Variants in LINGO2 observed in about 807,000 individuals in gnomAD.
The protein encoded by LINGO2 is leucine-rich repeat and immunoglobulin-like domain-containing nogo receptor-interacting protein 2.
LINGO2 carries 14 observed loss-of-function variants against 30.6 expected under a neutral mutation model. The ratio of observed to expected loss-of-function variants is 0.46; its 90% CI spans 0.30 to 0.72. The LOEUF (loss-of-function observed/expected upper bound fraction) is 0.72, where lower values mean the gene tolerates loss of function less well. Ranked by LOEUF, LINGO2 falls within the 30% of genes least tolerant of loss-of-function variation. The pLI, the probability that LINGO2 is intolerant of heterozygous loss-of-function variation, is 0.07. For synonymous variants in LINGO2, 317 were observed against 288.5 expected (o/e 1.10, Z -1.00); for missense variants, 729 against 751.7 (o/e 0.97, Z 0.35).
chr9:28,193,343 T>C (rs1358829305), intron 4 of LINGO2, among the ~76,000 whole-genome samples: 2 of 152,168 alleles, frequency 1.3e-5, no homozygotes, highest in African/African-American at 4.8e-5. Flanking sequence ...TATATCTTGC[T>C]GGTGGCTTTA....
chr9:28,858,455 C>G, the LINGO2 span, among the ~76,000 whole-genome samples: 5 of 152,078 alleles, frequency 3.3e-5, no homozygotes, highest in Non-Finnish European at 1.5e-5. Context: ...ATTATAACCA[C>G]TATATTTTCA....
At chr9:28,591,665 C>G (rs1824920399) in intron 1 of LINGO2, among the ~76,000 whole-genome samples, 1 of 151,944 alleles carries the variant, frequency 6.6e-6, no homozygotes, top group African/African-American at 2.4e-5. Flanking sequence ...CGCGGCACTG[C>G]TAGGTTGAAA....
chr9:28,807,676 T>A, the LINGO2 span, among the ~76,000 whole-genome samples: 1 of 152,172 alleles, frequency 6.6e-6, no homozygotes, highest in African/African-American at 2.4e-5. Context: ...CATGTAAGCT[T>A]TTAGATAATT....
intron 5 of LINGO2, among the ~76,000 whole-genome samples, chr9:27,960,476 C>G (rs966406099): frequency 2.1e-4 from 32 of 152,284 alleles, no homozygotes; most frequent in African/African-American, 7.7e-4. Context: ...AGCAAGTACC[C>G]TTTGCCTGGT....
At chr9:29,067,015 T>C in the LINGO2 span, among the ~76,000 whole-genome samples, 2 of 151,834 alleles carry the variant, frequency 1.3e-5, no homozygotes, top group Non-Finnish European at 2.9e-5. Context: ...GTAACTATAT[T>C]CTAATCTAGG....
chr9:28,296,007 A>G (rs933997437), intron 3 of LINGO2, among the ~76,000 whole-genome samples: 1 of 152,212 alleles, frequency 6.6e-6, no homozygotes, highest in Non-Finnish European at 1.5e-5. Flanking sequence ...AGAGTAACCA[A>G]TGTAAATGCA....
chr9:29,071,503 ATATATATATATATATG>A, the LINGO2 span, among the ~76,000 whole-genome samples: 914 of 118,922 alleles, frequency 7.7e-3, 16 homozygotes, highest in African/African-American at 0.026. Flanking sequence ...ATATATATAT[ATATATATATATATATG>A]TATATGTATA....
At chr9:29,132,390 T>C in the LINGO2 span, among the ~76,000 whole-genome samples, 2 of 152,072 alleles carry the variant, frequency 1.3e-5, no homozygotes, top group Non-Finnish European at 2.9e-5. Context: ...CTCTGATTGG[T>C]CCCTTCCTGC....
chr9:29,209,890 A>G, the LINGO2 span, among the ~76,000 whole-genome samples: 1 of 152,256 alleles, frequency 6.6e-6, no homozygotes, highest in East Asian at 1.9e-4. Flanking sequence ...TAAGGATACA[A>G]CACAACCAAA....
chr9:28,486,287 G>A (rs764036517), intron 1 of LINGO2, among the ~76,000 whole-genome samples: 12 of 152,180 alleles, frequency 7.9e-5, no homozygotes, highest in Non-Finnish European at 1.0e-4. Context: ...GAAAGATTCC[G>A]TGTGGCAATT....
In LINGO2 at chr9:28,050,149, G is replaced by GA. The variant is rs1824605861; in HGVS notation, c.-86-37745_-86-37744insT. The stretch of plus-strand genomic sequence containing the variant: ...GTATAACTAGCTCTCTAGTGTGGGT[G>GA]GCTGAGTGAAGCAACTAAAATTCTG... On this transcript the variant is annotated intron_variant, in intron 4 of 5. Coordinates refer to ENST00000379992, the Ensembl canonical transcript of LINGO2. Among the ~76,000 whole-genome samples the GA allele has an allele frequency of 4.0e-5, 6 of 150,528 alleles. 1 individual carries two copies. The highest frequency in any genetic ancestry group is 1.5e-4 in the African/African-American group (6 of 40,666).
chr9:28,918,338 C>G, the LINGO2 span, among the ~76,000 whole-genome samples: 17,141 of 152,202 alleles, frequency 0.11, 961 homozygotes, highest in South Asian at 0.16. Flanking sequence ...CATTGGGTCC[C>G]TTCCACAACA....
chr9:29,169,060 G>A, the LINGO2 span, among the ~76,000 whole-genome samples: 1 of 152,116 alleles, frequency 6.6e-6, no homozygotes, highest in Non-Finnish European at 1.5e-5. Flanking sequence ...TGATTCTCCT[G>A]CCTCAGCCTC....
intron 4 of LINGO2, among the ~76,000 whole-genome samples, chr9:28,199,157 T>A (rs947755045): frequency 6.6e-6 from 1 of 152,148 alleles, no homozygotes; most frequent in Non-Finnish European, 1.5e-5. Flanking sequence ...ATCTGACTCC[T>A]GGTATTTGGG....
At chr9:28,497,513 G>C (rs914848637) in intron 1 of LINGO2, among the ~76,000 whole-genome samples, 11 of 152,088 alleles carry the variant, frequency 7.2e-5, no homozygotes, top group African/African-American at 2.4e-4. Context: ...GCTTCATCAG[G>C]TCATTTAAGA....
intron 4 of LINGO2, among the ~76,000 whole-genome samples, chr9:28,052,743 A>C (rs970282694): frequency 6.6e-6 from 1 of 152,108 alleles, no homozygotes; most frequent in Non-Finnish European, 1.5e-5. Context: ...GAATTTTCTT[A>C]AGGAATCAGA....
the LINGO2 span, among the ~76,000 whole-genome samples, chr9:28,904,094 A>C: frequency 1.3e-5 from 2 of 152,248 alleles, no homozygotes; most frequent in East Asian, 3.9e-4. Context: ...CATTAATAGA[A>C]TGTAGGATAA....
chr9:28,533,417 C>G (rs1020524027), intron 1 of LINGO2, among the ~76,000 whole-genome samples: 1 of 152,102 alleles, frequency 6.6e-6, no homozygotes, highest in African/African-American at 2.4e-5. Flanking sequence ...TGAGTCAACA[C>G]TCCTTAAAAA....
intron 4 of LINGO2, among the ~76,000 whole-genome samples, chr9:28,219,617 C>A (rs1001969735): frequency 6.6e-6 from 1 of 152,132 alleles, no homozygotes; most frequent in Non-Finnish European, 1.5e-5. Flanking sequence ...ATCAGTTTAA[C>A]TTCTTTCACA....
Sources: gnomAD v4.1 joint callset for allele counts (sites outside exome capture counted in the v4.1 genomes callset) on GRCh38, gnomAD v4.1.1 for gene constraint, MANE v1.5 for transcripts, NCBI Gene and HGNC (gene_info 2026-07-23, HGNC 2026-07-21) for gene names.